Variants in ZNF451 observed in about 807,000 individuals in gnomAD.
The protein encoded by ZNF451 is E3 SUMO-protein ligase ZNF451.
A neutral mutation model predicts 107.1 loss-of-function variants in ZNF451; 80 were observed. That is an observed-to-expected ratio of 0.75 (90% CI 0.62 to 0.90). The LOEUF (loss-of-function observed/expected upper bound fraction) is 0.90. Among genes scored for constraint, ZNF451 ranks in the 40% least tolerant of loss-of-function variants. ZNF451 has a pLI of 0.00. For missense variants in ZNF451, 1,107 were observed against 1,236.2 expected (o/e 0.90, Z 1.57); for synonymous variants, 362 against 406.5 (o/e 0.89, Z 1.32).
chr6:57,160,058 A>G (rs982006051), intron 13 of ZNF451, among the ~76,000 whole-genome samples: 15 of 152,170 alleles, frequency 9.9e-5, no homozygotes, highest in African/African-American at 3.6e-4. Flanking sequence ...TGATAGTACA[A>G]TGTTTCAAAT....
At chr6:57,104,568 A>G (rs755044535) in intron 3 of ZNF451, 82 of 985,002 alleles carry the variant, frequency 8.3e-5, no homozygotes, top group Non-Finnish European at 8.9e-5. Flanking sequence ...TCCCTTTAAT[A>G]TGCTTCCCCT....
chr6:57,103,964 G>A, intron 3 of ZNF451: 1 of 985,246 alleles, frequency 1.0e-6, no homozygotes, highest in Admixed American at 6.2e-5. Flanking sequence ...TACTTTATCA[G>A]TTAATTTCAG....
At chr6:57,129,751 T>C (rs1831096592) in intron 5 of ZNF451, among the ~76,000 whole-genome samples, 1 of 152,118 alleles carries the variant, frequency 6.6e-6, no homozygotes. Context: ...AACTATATTT[T>C]CTCCTTATCA....
At chr6:57,154,466 T>C (rs1406018163) in intron 13 of ZNF451, 4 of 232,426 alleles carry the variant, frequency 1.7e-5, no homozygotes, top group Non-Finnish European at 2.5e-5. Flanking sequence ...ATTTAAGAGG[T>C]TGACAGTGAC....
intron 14 of ZNF451, chr6:57,165,889 G>GCT (rs1763874150): frequency 6.6e-6 from 1 of 152,174 alleles, no homozygotes; most frequent in African/African-American, 2.4e-5. Context: ...ACCTGTATAA[G>GCT]GTACTTACCC....
At chr6:57,157,739 C>A (rs1007915671) in intron 13 of ZNF451, among the ~76,000 whole-genome samples, 1 of 152,110 alleles carries the variant, frequency 6.6e-6, no homozygotes, top group Non-Finnish European at 1.5e-5. Context: ...CTGGTAATCC[C>A]AATCAGAGAA....
At chr6:57,126,167 G>C (rs1356077352) in intron 4 of ZNF451, among the ~76,000 whole-genome samples, 1 of 151,894 alleles carries the variant, frequency 6.6e-6, no homozygotes, top group Admixed American at 6.6e-5. Context: ...CCATGTAAAT[G>C]GTCATTCATT....
chr6:57,102,003 A>C, intron 3 of ZNF451: 1 of 1,550,536 alleles, frequency 6.4e-7, no homozygotes, highest in Non-Finnish European at 8.7e-7. Context: ...ACAATAGAGG[A>C]TACTCCAAAG....
intron 3 of ZNF451, chr6:57,106,598 G>A (rs985272970): frequency 7.1e-6 from 7 of 981,384 alleles, no homozygotes; most frequent in Admixed American, 6.2e-5. Context: ...GAGCCACCGC[G>A]CCTGGCTGTG....
intron 13 of ZNF451, among the ~76,000 whole-genome samples, chr6:57,154,980 A>G (rs1178946275): frequency 6.6e-6 from 1 of 152,086 alleles, no homozygotes; most frequent in African/African-American, 2.4e-5. Flanking sequence ...ATTACAGTGG[A>G]TCAATTCACT....
intron 3 of ZNF451, among the ~76,000 whole-genome samples, chr6:57,118,675 G>C (rs1830486676): frequency 6.6e-6 from 1 of 151,780 alleles, no homozygotes; most frequent in African/African-American, 2.4e-5. Context: ...GTAGAGACGA[G>C]GCCTTGCACT....
At chr6:57,146,673 T>C (rs915697414) in intron 9 of ZNF451, among the ~76,000 whole-genome samples, 1 of 152,180 alleles carries the variant, frequency 6.6e-6, no homozygotes, top group Non-Finnish European at 1.5e-5. Context: ...CATAGCCTTA[T>C]AGTATCAACA....
chr6:57,155,384 G>T (rs1763368074), intron 13 of ZNF451, among the ~76,000 whole-genome samples: 1 of 152,160 alleles, frequency 6.6e-6, no homozygotes, highest in African/African-American at 2.4e-5. Context: ...TACTCGGGAG[G>T]CTGAGGCAGG....
chr6:57,156,233 C>T (rs1441344551), intron 13 of ZNF451, among the ~76,000 whole-genome samples: 1 of 152,070 alleles, frequency 6.6e-6, no homozygotes, highest in East Asian at 1.9e-4. Flanking sequence ...TGATTTAAGA[C>T]CAAATTTTTT....
chr6:57,107,846 T>C, intron 3 of ZNF451: 2 of 979,540 alleles, frequency 2.0e-6, no homozygotes, highest in South Asian at 9.5e-5. Context: ...TGATTTTTTT[T>C]TTTTTTTTTT....
At chr6:57,152,143 A>G (rs1013470938) in intron 11 of ZNF451, 78 bp from the exon 12 acceptor site, 1 of 1,464,324 alleles carries the variant, frequency 6.8e-7, no homozygotes. Context: ...TTTTTCTAGT[A>G]TGTGTTTTTT....
chr6:57,143,219 T>C (rs1173108841), intron 9 of ZNF451, among the ~76,000 whole-genome samples: 2 of 152,188 alleles, frequency 1.3e-5, no homozygotes. Flanking sequence ...AGGTGTATAA[T>C]TTGTTGATTA....
At chr6:57,124,881 AT>A in intron 4 of ZNF451, 22 bp downstream of exon 4, 1 of 1,364,788 alleles carries the variant, frequency 7.3e-7, no homozygotes, top group Non-Finnish European at 9.6e-7. Context: ...TTTAATTGGT[AT>A]TTTATATAAT....
At chr6:57,099,309 A>G (rs1245921747) in intron 3 of ZNF451, among the ~76,000 whole-genome samples, 168 bp downstream of exon 3, 3 of 152,208 alleles carry the variant, frequency 2.0e-5, no homozygotes, top group African/African-American at 7.2e-5. Context: ...TCCTACTTCC[A>G]GTTTTTTTCC....
Sources: allele counts gnomAD v4.1 joint callset (sites outside exome capture counted in the v4.1 genomes callset), GRCh38; gene constraint gnomAD v4.1.1; transcripts MANE v1.5; gene names NCBI Gene and HGNC (gene_info 2026-07-23, HGNC 2026-07-21).